NADK2: variants seen among roughly 807,000 people sequenced by gnomAD.
NADK2 encodes NAD kinase domain-containing protein 1, mitochondrial.
NADK2 carries 35 observed loss-of-function variants against 62.1 expected under a neutral mutation model. That is an observed-to-expected ratio of 0.56 (90% CI 0.43 to 0.75). NADK2 has a LOEUF of 0.75. NADK2 is among the 30% of genes least tolerant of loss of function. The pLI is 0.00. For synonymous variants in NADK2, 205 were observed against 207.9 expected (o/e 0.99, Z 0.12); for missense variants, 439 against 561.3 (o/e 0.78, Z 2.20).
Position 36,195,159 on chromosome 5 carries a change from C to T in NADK2, c.1314G>A (p.Val438=). 6.2e-7 allele frequency: 1 copy of T among 1,609,804 alleles called. No individual in the cohort carries two copies. The highest frequency in any genetic ancestry group is 8.5e-7 in the Non-Finnish European group (1 of 1,178,576). ...AGGAAATCCTTCACTGTTCAAGAAG[C>T]ACAGTTCGAAGCTCATCTTCTTTAT... ...MINKEDELRT[V]LLEQ Residue 438 remains valine, a synonymous_variant, in exon 12 of 12, where the codon GTG becomes GTA. Transcript: ENST00000381937.
intron 9 of NADK2, among the ~76,000 whole-genome samples, 156 bp downstream of exon 9, chr5:36,200,950 G>T (rs1238489039): frequency 6.6e-6 from 1 of 151,976 alleles, no homozygotes; most frequent in Non-Finnish European, 1.5e-5. Context: ...TCAGATATAT[G>T]AATCTTCTAT....
chr5:36,195,988 A>G (rs554742258), intron 11 of NADK2, among the ~76,000 whole-genome samples: 1 of 152,306 alleles, frequency 6.6e-6, no homozygotes, highest in Admixed American at 6.5e-5. Context: ...TAGTGTGTTC[A>G]TTTTTAATGC....
Position 36,241,375 on chromosome 5 carries a change from AG to A in NADK2, c.300+123del. ...CCAGAGGACCTGGGGGCCGCGAGAGAGGCAGGACCGGCATCTGCGGTGCCCT... is the reference window on the plus strand; with the variant it reads ...CCAGAGGACCTGGGGGCCGCGAGAGAGCAGGACCGGCATCTGCGGTGCCCT... On this transcript the variant is annotated intron_variant, in intron 1 of 11. Coordinates refer to ENST00000381937, the MANE Select transcript of NADK2 (RefSeq NM_001085411.3). The surrounding 1 kb of genome is among the most constrained non-coding windows in gnomAD (Gnocchi z 4.9). 2 of 1,344,222 alleles carry A rather than the reference AG, an allele frequency of 1.5e-6. No individual in the cohort carries two copies. Among genetic ancestry groups the A allele is most frequent in the Non-Finnish European group, 1.9e-6 (2 of 1,049,544 alleles). The allele number at this position is 1,344,222 out of a possible 1,614,324, so 83.3% of individuals were successfully genotyped here.
chr5:36,201,221 A>C lies in NADK2; in HGVS notation c.957-60T>G, dbSNP rs545215809. The C allele has an allele frequency of 6.9e-6, 10 of 1,442,806 alleles. No homozygotes were observed. The South Asian group carries it at 9.3e-5, about 13-fold the overall frequency. The allele number at this position is 1,442,806 out of a possible 1,614,324, so 89.4% of individuals were successfully genotyped here. On this transcript the variant is annotated intron_variant, in intron 8 of 11. Coordinates refer to ENST00000381937, the MANE Select transcript of NADK2 (RefSeq NM_001085411.3). ...TTCTAAAAACATGCTAAAAATCAAA[A>C]AGGAATAACCTACTTAAAATATAGA...
intron 8 of NADK2, among the ~76,000 whole-genome samples, chr5:36,203,791 C>T (rs1044267329): frequency 6.6e-6 from 1 of 152,082 alleles, no homozygotes; most frequent in South Asian, 2.1e-4. Flanking sequence ...CAGACAGAAG[C>T]CCCATTGCCT....
intron 7 of NADK2, 147 bp downstream of exon 7, chr5:36,211,697 G>C: frequency 1.5e-6 from 1 of 665,716 alleles, no homozygotes; most frequent in East Asian, 2.6e-5. Flanking sequence ...CATCTATGAA[G>C]GTTTTGGAAA....
chr5:36,215,450 T>A (rs1450948010), intron 6 of NADK2, among the ~76,000 whole-genome samples: 2 of 152,200 alleles, frequency 1.3e-5, no homozygotes, highest in Admixed American at 6.5e-5. Context: ...ATATTTCAAA[T>A]CTTCTCTTCC....
At chr5:36,210,190 A>AC (rs1237543766) in intron 7 of NADK2, among the ~76,000 whole-genome samples, 1 of 152,170 alleles carries the variant, frequency 6.6e-6, no homozygotes, top group Non-Finnish European at 1.5e-5. Context: ...TTCTACCCTT[A>AC]ATTTACTTAC....
chr5:36,206,399 G>T (rs1746637943), intron 8 of NADK2, among the ~76,000 whole-genome samples: 1 of 151,048 alleles, frequency 6.6e-6, no homozygotes, highest in Admixed American at 6.6e-5. Flanking sequence ...TCACTAAAAA[G>T]GTGCAGGCTT....
In NADK2 at chr5:36,221,458, G is replaced by A. The variant is rs1747265067; in HGVS notation, c.561-1779C>T. On this transcript the variant is annotated intron_variant, in intron 4 of 11. Coordinates refer to ENST00000381937, the MANE Select transcript of NADK2 (RefSeq NM_001085411.3). ...GTCATAAGCCTCTAAGTTTTGGGGT[G>A]ATTAGTTATGCAGCATTTGACAACT... 2.0e-5 allele frequency: 3 copies of A among 152,200 alleles called. 1 individual carries two copies. In the South Asian group the frequency reaches 6.2e-4, roughly 32 times the overall value. The allele number at this position is 152,200 out of a possible 1,614,324, so 9.4% of individuals were successfully genotyped here. A position where few individuals can be genotyped will look rare whatever the true frequency, so the allele number is the denominator to read the frequency against.
At chr5:36,208,924 T>C (rs1746740989) in intron 7 of NADK2, among the ~76,000 whole-genome samples, 1 of 152,094 alleles carries the variant, frequency 6.6e-6, no homozygotes, top group East Asian at 1.9e-4. Flanking sequence ...TGCTAGTTAT[T>C]TGAACTCTCC....
In NADK2 at chr5:36,225,571, T is replaced by C. The variant is rs139613889; in HGVS notation, c.531A>G (p.Pro177=). 85 of 1,613,886 alleles carry C rather than the reference T, an allele frequency of 5.3e-5. No individual in the cohort carries two copies. In the African/African-American group the frequency reaches 8.9e-4, roughly 17 times the overall value. The part of the protein sequence containing the change: ...AASKVLDRLK[P]VIGVNTDPER... ...CTGGATCAGTGTTTACCCCTATAAC[T>C]GGTTTAAGTCTGTCCAAGACTTTAC... The change falls in exon 4 of 12, where the codon CCA becomes CCG. Residue 177 remains proline (P), a synonymous_variant. Transcript: ENST00000381937.
intron 10 of NADK2, among the ~76,000 whole-genome samples, chr5:36,199,587 A>C (rs1478912385): frequency 6.6e-6 from 1 of 152,050 alleles, no homozygotes; most frequent in Non-Finnish European, 1.5e-5. Flanking sequence ...CAGTTTAAAA[A>C]TTTAAATTGT....
At chr5:36,204,783 T>G (rs962536026) in intron 8 of NADK2, among the ~76,000 whole-genome samples, 1 of 152,052 alleles carries the variant, frequency 6.6e-6, no homozygotes, top group Admixed American at 6.6e-5. Flanking sequence ...TTAAATGATA[T>G]GATATCTGAA....
At chr5:36,208,208 AG>A (rs2112096733) in intron 7 of NADK2, among the ~76,000 whole-genome samples, 1 of 152,214 alleles carries the variant, frequency 6.6e-6, no homozygotes, top group Non-Finnish European at 1.5e-5. Context: ...TTAATTTGTA[AG>A]GGTTTTGCAT....
chr5:36,221,342 T>C (rs139686459), intron 4 of NADK2: 1 of 152,442 alleles, frequency 6.6e-6, no homozygotes, highest in Non-Finnish European at 1.5e-5. Context: ...CATCTACTTA[T>C]CCTCAGGAGA....
At position 36,215,696 on chromosome 5, in the gene NADK2, T is replaced by C. The variant is rs563471437; in HGVS notation, c.781+2052A>G. 8.0e-4 allele frequency among the ~76,000 whole-genome samples: 122 copies of C among 152,346 alleles called. 3 individuals are homozygous for C. The South Asian group carries it at 0.025, about 31-fold the overall frequency. On this transcript the variant is annotated intron_variant, in intron 6 of 11. Coordinates refer to ENST00000381937, the MANE Select transcript of NADK2 (RefSeq NM_001085411.3). ...CTCACATATGAATGAAAGCATATGA[T>C]ATTTGTCTTTCTATGCTTGACTTAT...
chr5:36,241,912 C>G lies in NADK2; in HGVS notation c.-114G>C. On this transcript the variant is annotated 5_prime_UTR_variant, in exon 1 of 12. Coordinates refer to ENST00000381937, the MANE Select transcript of NADK2 (RefSeq NM_001085411.3). This position sits in a 1 kb window ranked among gnomAD's most constrained non-coding sequence, Gnocchi z 4.9. ...GGCCTCTAACTTCGCGCCGGACGGGCAGAGGTTAAGTGCCAGGACGTGCGT... is the reference window on the plus strand; with the variant it reads ...GGCCTCTAACTTCGCGCCGGACGGGGAGAGGTTAAGTGCCAGGACGTGCGT... 1 of 919,328 alleles carries G rather than the reference C, an allele frequency of 1.1e-6. No individual in the cohort carries two copies. The highest frequency in any genetic ancestry group is 1.3e-6 in the Non-Finnish European group (1 of 749,390). The allele number at this position is 919,328 out of a possible 1,614,324, so 56.9% of individuals were successfully genotyped here.
At position 36,195,180 on chromosome 5, in the gene NADK2, T is replaced by C; in HGVS notation, c.1293A>G (p.Lys431=). The C allele has an allele frequency of 6.2e-7, 1 of 1,613,546 alleles. No homozygotes were observed. The stretch of plus-strand genomic sequence containing the variant: ...GAAGCACAGTTCGAAGCTCATCTTC[T>C]TTATTGATCATCATCGAAGCAATTG... ...DGAIASMMIN[K]EDELRTVLLE... Residue 431 remains lysine (K), a synonymous_variant, in exon 12 of 12, where the codon AAA becomes AAG. Coordinates refer to ENST00000381937, the MANE Select transcript of NADK2 (RefSeq NM_001085411.3).
Sources: allele counts gnomAD v4.1 joint callset (sites outside exome capture counted in the v4.1 genomes callset), GRCh38; gene constraint gnomAD v4.1.1; non-coding constraint Gnocchi (gnomAD v3.1); transcripts MANE v1.5; gene names NCBI Gene and HGNC (gene_info 2026-07-23, HGNC 2026-07-21).